Variants in SLCO3A1 observed in about 807,000 individuals in gnomAD.
SLCO3A1 encodes PGE1 transporter.
Under a neutral mutation model 63.1 loss-of-function variants are expected in SLCO3A1, and 27 were observed. That is an observed-to-expected ratio of 0.43 (90% CI 0.32 to 0.59). The LOEUF is 0.59. Ranked by LOEUF, SLCO3A1 falls within the 20% of genes least tolerant of loss-of-function variation. The pLI is 0.09. For synonymous variants in SLCO3A1, 473 were observed against 409.9 expected, an observed-to-expected ratio of 1.15 and a Z score of -1.86; for missense variants, 773 against 945.8, an observed-to-expected ratio of 0.82 and a Z score of 2.40.
intron 2 of SLCO3A1, among the ~76,000 whole-genome samples, chr15:91,923,761 T>C (rs1438412082): frequency 6.6e-6 from 1 of 152,280 alleles, no homozygotes; most frequent in African/African-American, 2.4e-5. Flanking sequence ...CTTTTTTCTT[T>C]GTATATCGTT....
At chr15:92,154,727 G>C (rs1252380532) in intron 9 of SLCO3A1, among the ~76,000 whole-genome samples, 6 of 152,100 alleles carry the variant, frequency 3.9e-5, no homozygotes, top group African/African-American at 1.4e-4. Flanking sequence ...AGGTGTACTG[G>C]TCAGTGGGGC....
chr15:92,167,943 G>A (rs923665922), downstream of SLCO3A1, among the ~76,000 whole-genome samples: 7 of 144,536 alleles, frequency 4.8e-5, no homozygotes, highest in Non-Finnish European at 1.0e-4. Flanking sequence ...TTTCTTTGCA[G>A]AGTTTATTTG....
chr15:91,917,617 C>G (rs1597118831), intron 2 of SLCO3A1, among the ~76,000 whole-genome samples: 2 of 152,190 alleles, frequency 1.3e-5, no homozygotes, highest in African/African-American at 2.4e-5. Context: ...GAGGATGGAG[C>G]ACCAGTGAGC....
chr15:92,064,901 A>G (rs528145252), intron 2 of SLCO3A1, among the ~76,000 whole-genome samples: 10 of 152,302 alleles, frequency 6.6e-5, no homozygotes, highest in Non-Finnish European at 1.2e-4. Context: ...AGATTGGTTA[A>G]TGAGTACAAA....
At position 91,899,057 on chromosome 15, in the gene SLCO3A1, G is replaced by A. The variant is rs529715654; in HGVS notation, c.181-16936G>A. Among the ~76,000 whole-genome samples, 15 of 152,300 alleles carry A rather than the reference G, an allele frequency of 9.8e-5. No individual in the cohort carries two copies. The South Asian group carries it at 1.0e-3, about 11-fold the overall frequency. On this transcript the variant is annotated intron_variant, in intron 1 of 9. Transcript: ENST00000318445. ...AGTGAAGAGCAATTCAAAACTCCTT[G>A]GAGAGAGTCATCAATGAGGTTTAAA...
rs58884056 is a variant in SLCO3A1, at chr15:92,016,204, T to TATAGATACATAG, written c.647-78670_647-78669insCATAGATAGATA. ...TGCAGATTTGTTGTATATATATTTATATAGATAGATAGATAGATAGATAGA... is the reference window on the plus strand; with the variant it reads ...TGCAGATTTGTTGTATATATATTTATATAGATACATAGATAGATAGATAGATAGATAGATAGA... On this transcript the variant is annotated intron_variant, in intron 2 of 9. Coordinates refer to ENST00000318445, the MANE Select transcript of SLCO3A1 (RefSeq NM_013272.4). Among the ~76,000 whole-genome samples, 757 of 120,182 alleles carry TATAGATACATAG rather than the reference T, an allele frequency of 6.3e-3. 9 individuals carry two copies. Among genetic ancestry groups the TATAGATACATAG allele is most frequent in the Admixed American group, 0.016 (187 of 11,516 alleles). 78.8% of individuals were successfully genotyped at this position (120,182 alleles called of 152,430 possible).
At chr15:91,976,908 AC>A (rs540117665) in intron 2 of SLCO3A1, among the ~76,000 whole-genome samples, 24 of 152,252 alleles carry the variant, frequency 1.6e-4, no homozygotes, top group African/African-American at 5.5e-4. Context: ...GGACCACAGG[AC>A]CGGGGCGAAA....
intron 2 of SLCO3A1, among the ~76,000 whole-genome samples, chr15:91,930,485 G>A (rs1030945189): frequency 6.6e-6 from 1 of 152,098 alleles, no homozygotes; most frequent in Non-Finnish European, 1.5e-5. Flanking sequence ...ATAACCATAT[G>A]GTTATGTGTA....
chr15:92,119,572 G>A (rs2047836578), intron 4 of SLCO3A1, among the ~76,000 whole-genome samples: 1 of 152,170 alleles, frequency 6.6e-6, no homozygotes, highest in Non-Finnish European at 1.5e-5. Flanking sequence ...CTTGTATAGG[G>A]AAGACCCCCA....
chr15:92,040,512 C>A (rs935931426), intron 2 of SLCO3A1, among the ~76,000 whole-genome samples: 1 of 152,176 alleles, frequency 6.6e-6, no homozygotes, highest in African/African-American at 2.4e-5. Context: ...AAGTTCCAGG[C>A]CCAGGAAATG....
intron 5 of SLCO3A1, among the ~76,000 whole-genome samples, chr15:92,124,762 A>G (rs529654982): frequency 1.3e-5 from 2 of 152,298 alleles, no homozygotes; most frequent in East Asian, 1.9e-4. Context: ...GGATCTCTAC[A>G]TAGGGTGGCC....
intron 2 of SLCO3A1, among the ~76,000 whole-genome samples, chr15:91,919,905 G>A (rs1484780430): frequency 2.0e-5 from 3 of 152,058 alleles, no homozygotes; most frequent in African/African-American, 4.8e-5. Flanking sequence ...TAGCTTTATG[G>A]TGTACACAAT....
chr15:91,978,801 T>G (rs903105569), intron 2 of SLCO3A1, among the ~76,000 whole-genome samples: 2 of 152,272 alleles, frequency 1.3e-5, no homozygotes, highest in Non-Finnish European at 2.9e-5. Flanking sequence ...GTTCAAACTT[T>G]CCACGTATCA....
At position 92,081,196 on chromosome 15, in the gene SLCO3A1, C is replaced by T. The variant is rs1416001021; in HGVS notation, c.647-13685C>T. 2.0e-5 allele frequency among the ~76,000 whole-genome samples: 3 copies of T among 151,956 alleles called. No homozygotes were observed. The East Asian group carries it at 5.8e-4, about 29-fold the overall frequency. ...TATCAGATACTAGAGTTTATTCATC[C>T]TGTCTATATTTTTGCACCCATTAAC... On this transcript the variant is annotated intron_variant, in intron 2 of 9. Coordinates refer to ENST00000318445, the MANE Select transcript of SLCO3A1 (RefSeq NM_013272.4).
In SLCO3A1 at chr15:92,061,897, A is replaced by G. The variant is rs115356313; in HGVS notation, c.647-32984A>G. Among the ~76,000 whole-genome samples, 233 of 152,332 alleles carry G rather than the reference A, an allele frequency of 1.5e-3. 1 individual carries two copies. Among genetic ancestry groups the G allele is most frequent in the African/African-American group, 5.4e-3 (224 of 41,586 alleles). On this transcript the variant is annotated intron_variant, in intron 2 of 9. Coordinates refer to ENST00000318445, the MANE Select transcript of SLCO3A1 (RefSeq NM_013272.4). ...AGGGTTTAGCTACATGGTCATGTCAAGGCTCTGGGTGATACAGGGCAAGAT... is the reference window on the plus strand; with the variant it reads ...AGGGTTTAGCTACATGGTCATGTCAGGGCTCTGGGTGATACAGGGCAAGAT...
chr15:91,920,143 G>T (rs745434500), intron 2 of SLCO3A1, among the ~76,000 whole-genome samples: 11 of 152,316 alleles, frequency 7.2e-5, no homozygotes, highest in Middle Eastern at 6.8e-3. Flanking sequence ...AAGCAGATAG[G>T]TAAACTGTGA....
intron 2 of SLCO3A1, among the ~76,000 whole-genome samples, chr15:92,048,256 C>A (rs1227850643): frequency 2.0e-5 from 3 of 152,126 alleles, no homozygotes; most frequent in African/African-American, 4.8e-5. Flanking sequence ...AGGGACCTGG[C>A]ACCCACTTCT....
At chr15:92,001,517 A>G (rs751396135) in intron 2 of SLCO3A1, among the ~76,000 whole-genome samples, 3 of 152,174 alleles carry the variant, frequency 2.0e-5, no homozygotes, top group Non-Finnish European at 4.4e-5. Context: ...CAGTCTTTCT[A>G]GCTGTCACTT....
chr15:92,065,658 C>T (rs2047142118), intron 2 of SLCO3A1, among the ~76,000 whole-genome samples: 1 of 152,092 alleles, frequency 6.6e-6, no homozygotes, highest in Non-Finnish European at 1.5e-5. Flanking sequence ...AAGGGGGATC[C>T]ATGTGCTCAA....
Sources: allele counts gnomAD v4.1 joint callset (sites outside exome capture counted in the v4.1 genomes callset), GRCh38; gene constraint gnomAD v4.1.1; transcripts MANE v1.5; gene names NCBI Gene and HGNC (gene_info 2026-07-23, HGNC 2026-07-21).